The following CPS1 variants were observed in gnomAD, a reference collection of about 807,000 sequenced individuals.
CPS1 encodes the protein carbamoyl-phosphate synthase 1.
In CPS1, 109 loss-of-function variants were observed where a neutral mutation model predicts 174.6. The ratio of observed to expected loss-of-function variants is 0.62; its 90% CI spans 0.53 to 0.73. The LOEUF is 0.73. CPS1 is among the 30% of genes least tolerant of loss of function. CPS1 has a pLI of 0.00. For missense variants in CPS1, 1,689 were observed against 1,821.9 expected, an observed-to-expected ratio of 0.93 and a Z score of 1.33; for synonymous variants, 637 against 632.0, an observed-to-expected ratio of 1.01 and a Z score of -0.12.
chr2:210,522,290 C>A (rs1269154782), intron 1 of CPS1, among the ~76,000 whole-genome samples: 1 of 151,930 alleles, frequency 6.6e-6, no homozygotes, highest in Non-Finnish European at 1.5e-5. Flanking sequence ...CTTAACAATG[C>A]CTTTGAAGTC....
chr2:210,562,694 G>A (rs1188284554), intron 1 of CPS1, among the ~76,000 whole-genome samples: 2 of 152,074 alleles, frequency 1.3e-5, no homozygotes, highest in Non-Finnish European at 2.9e-5. Context: ...AAGCACGTAT[G>A]TTATATAGCC....
chr2:210,509,731 T>C (rs1242650310), intron 1 of CPS1, among the ~76,000 whole-genome samples: 1 of 151,610 alleles, frequency 6.6e-6, no homozygotes, highest in Admixed American at 6.6e-5. Context: ...TCTTATACCA[T>C]TAGCAGACAA....
chr2:210,614,550 C>T (rs1699237920), intron 20 of CPS1, among the ~76,000 whole-genome samples: 1 of 152,020 alleles, frequency 6.6e-6, no homozygotes, highest in South Asian at 2.1e-4. Flanking sequence ...TCAGCATCCT[C>T]TCCAGGATCT....
intron 1 of CPS1, among the ~76,000 whole-genome samples, chr2:210,483,958 T>C (rs903115833): frequency 6.6e-6 from 1 of 152,228 alleles, no homozygotes; most frequent in Non-Finnish European, 1.5e-5. Flanking sequence ...TGTTGCAAAG[T>C]GTCTATGGAG....
chr2:210,632,493 C>T (rs773420720), intron 21 of CPS1, among the ~76,000 whole-genome samples: 1 of 152,104 alleles, frequency 6.6e-6, no homozygotes, highest in Non-Finnish European at 1.5e-5. Flanking sequence ...AGTCAATTTT[C>T]TACTGTGTAT....
intron 17 of CPS1, among the ~76,000 whole-genome samples, chr2:210,605,637 A>G (rs968693128): frequency 6.6e-6 from 1 of 151,966 alleles, no homozygotes; most frequent in Non-Finnish European, 1.5e-5. Flanking sequence ...TCAGAAAAGT[A>G]CACTAGTTAG....
chr2:210,649,668 A>G (rs917437572), intron 27 of CPS1, among the ~76,000 whole-genome samples: 2 of 152,194 alleles, frequency 1.3e-5, no homozygotes, highest in African/African-American at 4.8e-5. Flanking sequence ...AAAGAGGTAA[A>G]TGCTGCTGTT....
chr2:210,568,875 G>A (rs1204037396), intron 1 of CPS1, among the ~76,000 whole-genome samples: 1 of 152,080 alleles, frequency 6.6e-6, no homozygotes, highest in African/African-American at 2.4e-5. Flanking sequence ...TATATGCAGT[G>A]TAAGATGAAA....
At chr2:210,593,013 A>T (rs1698363096) in intron 11 of CPS1, 57 bp downstream of exon 11, 1 of 1,486,212 alleles carries the variant, frequency 6.7e-7, no homozygotes, top group African/African-American at 1.4e-5. Flanking sequence ...ATTTGTGTGG[A>T]AATTCGAGAA....
chr2:210,550,375 T>C, intron 1 of CPS1, among the ~76,000 whole-genome samples: 1 of 151,990 alleles, frequency 6.6e-6, no homozygotes, highest in East Asian at 1.9e-4. Context: ...CCAGATATAA[T>C]TGACATGCTC....
intron 33 of CPS1, among the ~76,000 whole-genome samples, chr2:210,664,554 G>A (rs1162749851): frequency 1.3e-5 from 2 of 152,042 alleles, no homozygotes; most frequent in Non-Finnish European, 1.5e-5. Context: ...GGTCAGGCTG[G>A]TCTCGAACTC....
chr2:210,657,204 T>C (rs1034054859), intron 30 of CPS1, among the ~76,000 whole-genome samples: 5 of 152,092 alleles, frequency 3.3e-5, no homozygotes, highest in African/African-American at 9.7e-5. Context: ...CTTTTTGATA[T>C]CTCTTTTGAG....
intron 16 of CPS1, among the ~76,000 whole-genome samples, chr2:210,602,970 T>A (rs977614545): frequency 6.6e-6 from 1 of 151,996 alleles, no homozygotes; most frequent in Non-Finnish European, 1.5e-5. Flanking sequence ...TCTTTGCATG[T>A]TAGAGGAAAA....
intron 21 of CPS1, among the ~76,000 whole-genome samples, chr2:210,617,284 A>G (rs1278428739): frequency 1.3e-5 from 2 of 152,040 alleles, no homozygotes; most frequent in Non-Finnish European, 2.9e-5. Context: ...CAGATTAAGA[A>G]AGACAATATA....
chr2:210,563,432 T>C (rs1697171565), intron 1 of CPS1, among the ~76,000 whole-genome samples: 1 of 152,200 alleles, frequency 6.6e-6, no homozygotes, highest in African/African-American at 2.4e-5. Context: ...ACCTAAATAT[T>C]GTCATGTGTT....
At chr2:210,650,042 A>G (rs1365994208) in intron 27 of CPS1, among the ~76,000 whole-genome samples, 1 of 152,210 alleles carries the variant, frequency 6.6e-6, no homozygotes, top group Admixed American at 6.5e-5. Context: ...ATTACCTGGA[A>G]CCAGCAGAGT....
At chr2:210,507,563 A>G (rs1469304024) in intron 1 of CPS1, among the ~76,000 whole-genome samples, 1 of 151,852 alleles carries the variant, frequency 6.6e-6, no homozygotes, top group Non-Finnish European at 1.5e-5. Context: ...AAATGCTCCA[A>G]TTAAAAGACA....
intron 2 of CPS1, 87 bp from the exon 3 acceptor site, chr2:210,576,259 G>C (rs1422151902): frequency 5.8e-6 from 8 of 1,379,814 alleles, no homozygotes; most frequent in African/African-American, 2.9e-5. Context: ...CATTTTCAAG[G>C]GTTAAATAAT....
intron 16 of CPS1, among the ~76,000 whole-genome samples, chr2:210,604,571 T>G (rs1343284977): frequency 6.6e-6 from 1 of 151,956 alleles, no homozygotes; most frequent in Non-Finnish European, 1.5e-5. Context: ...TCCCATATGA[T>G]TCTTCTAATT....
Sources: gnomAD v4.1 joint callset for allele counts (sites outside exome capture counted in the v4.1 genomes callset) on GRCh38, gnomAD v4.1.1 for gene constraint, MANE v1.5 for transcripts, NCBI Gene and HGNC (gene_info 2026-07-23, HGNC 2026-07-21) for gene names.